Variants in MRRF observed in about 807,000 individuals in gnomAD.
MRRF encodes ribosome-recycling factor, mitochondrial.
MRRF carries 18 observed loss-of-function variants against 25.1 expected under a neutral mutation model. The observed-to-expected ratio is 0.72, with a 90% CI of 0.50 to 1.06. The LOEUF (loss-of-function observed/expected upper bound fraction) is 1.06, where lower values mean the gene tolerates loss of function less well. Among genes scored for constraint, MRRF ranks in the 50% least tolerant of loss-of-function variants. The pLI is 0.00. For missense variants in MRRF, 323 were observed against 319.3 expected (o/e 1.01, Z -0.09); for synonymous variants, 113 against 112.1 (o/e 1.01, Z -0.05).
At chr9:122,310,266 C>A (rs1835120743) in intron 5 of MRRF, among the ~76,000 whole-genome samples, 1 of 152,186 alleles carries the variant, frequency 6.6e-6, no homozygotes, top group Non-Finnish European at 1.5e-5. Flanking sequence ...GGGATAGAGC[C>A]CACCGCTCCT....
intron 2 of MRRF, 67 bp from the exon 3 acceptor site, chr9:122,280,376 T>G: frequency 6.4e-7 from 1 of 1,553,814 alleles, no homozygotes; most frequent in Non-Finnish European, 8.9e-7. Context: ...TAGGTACTTC[T>G]TCACCAATTG....
At chr9:122,299,159 C>T (rs1056729462) in intron 5 of MRRF, among the ~76,000 whole-genome samples, 4 of 151,334 alleles carry the variant, frequency 2.6e-5, no homozygotes, top group Admixed American at 6.6e-5. Context: ...GAGAGGCTGA[C>T]GTGGGTGGAT....
rs968135703 is a variant in MRRF, at chr9:122,325,057, G to T, written c.*2440G>T. ...GCAAATGTGCTTCTCAAAGATGCAGGATTTTTTAATAAACAGAGGAAATGA... is the reference window on the plus strand; with the variant it reads ...GCAAATGTGCTTCTCAAAGATGCAGTATTTTTTAATAAACAGAGGAAATGA... On this transcript the variant is annotated 3_prime_UTR_variant, in exon 7 of 7. Coordinates refer to ENST00000344641, the MANE Select transcript of MRRF (RefSeq NM_138777.5). The T allele has an allele frequency of 6.6e-6, 1 of 152,160 alleles. No individual in the cohort carries two copies. Among genetic ancestry groups the T allele is most frequent in the Non-Finnish European group, 1.5e-5 (1 of 68,024 alleles). 9.4% of individuals were successfully genotyped at this position (152,160 alleles called of 1,614,324 possible). A position where few individuals can be genotyped will look rare whatever the true frequency, so the allele number is the denominator to read the frequency against.
chr9:122,271,227 G>C, intron 2 of MRRF, 152 bp downstream of exon 2: 2 of 752,720 alleles, frequency 2.7e-6, no homozygotes, highest in South Asian at 1.5e-5. Context: ...AGCTTAAAAG[G>C]TTACAGTGGC....
chr9:122,281,484 T>G lies in MRRF; in HGVS notation c.340+886T>G, dbSNP rs115429538. On this transcript the variant is annotated intron_variant, in intron 3 of 6. Transcript: ENST00000344641. ...AAACACTATCAGAAACATTACCGAGTTCAGAGATGAGATCCAGTGTGAAAC... is the reference window on the plus strand; with the variant it reads ...AAACACTATCAGAAACATTACCGAGGTCAGAGATGAGATCCAGTGTGAAAC... 5.2e-3 allele frequency among the ~76,000 whole-genome samples: 791 copies of G among 152,262 alleles called. 5 individuals are homozygous for G. Among genetic ancestry groups the G allele is most frequent in the African/African-American group, 0.019 (769 of 41,530 alleles).
In MRRF at chr9:122,270,944, A is replaced by C; in HGVS notation, c.53A>C (p.Tyr18Ser). 1 of 1,614,186 alleles carries C rather than the reference A, an allele frequency of 6.2e-7. No individual in the cohort carries two copies. The highest frequency in any genetic ancestry group is 8.5e-7 in the Non-Finnish European group (1 of 1,180,030). ...FRMVHPTFRN[Y>S]LAASIRPVSE... The stretch of plus-strand genomic sequence containing the variant: ...ATGGTCCACCCTACCTTTCGCAATT[A>C]TCTTGCAGCCTCTATCAGACCCGTT... The change falls in exon 2 of 7, where the codon TAT becomes TCT. Residue 18 changes from tyrosine (Y) to serine (S), a missense_variant. Transcript: ENST00000344641.
intron 2 of MRRF, among the ~76,000 whole-genome samples, chr9:122,279,661 C>T (rs1017867140): frequency 2.0e-4 from 30 of 152,126 alleles, no homozygotes; most frequent in African/African-American, 5.6e-4. Flanking sequence ...AAAATCACTA[C>T]GATGATTTAG....
intron 5 of MRRF, among the ~76,000 whole-genome samples, chr9:122,312,474 C>T (rs1352296999): frequency 3.3e-5 from 5 of 152,144 alleles, no homozygotes; most frequent in Non-Finnish European, 2.9e-5. Flanking sequence ...AAATCTTTAA[C>T]AGCTGCTCAT....
intron 6 of MRRF, among the ~76,000 whole-genome samples, chr9:122,314,498 C>T (rs747254329): frequency 6.6e-6 from 1 of 152,230 alleles, no homozygotes; most frequent in Non-Finnish European, 1.5e-5. Flanking sequence ...AACAGCATCT[C>T]TCTACCAAAG....
chr9:122,312,295 A>G (rs543610939), intron 5 of MRRF, among the ~76,000 whole-genome samples: 1 of 152,330 alleles, frequency 6.6e-6, no homozygotes, highest in African/African-American at 2.4e-5. Context: ...TGTGGCATAG[A>G]ACGGTTTAAT....
chr9:122,301,512 A>C (rs766677376), intron 5 of MRRF, among the ~76,000 whole-genome samples: 1 of 152,172 alleles, frequency 6.6e-6, no homozygotes, highest in Non-Finnish European at 1.5e-5. Flanking sequence ...GGATCATAGA[A>C]TATTTACTTT....
At chr9:122,287,572 A>G (rs1030373135) in intron 4 of MRRF, among the ~76,000 whole-genome samples, 3 of 152,214 alleles carry the variant, frequency 2.0e-5, no homozygotes, top group Non-Finnish European at 2.9e-5. Flanking sequence ...AGAGCCAGCC[A>G]CTTCTTTTAT....
At chr9:122,317,803 G>T (rs577819667) in intron 6 of MRRF, among the ~76,000 whole-genome samples, 1 of 151,966 alleles carries the variant, frequency 6.6e-6, no homozygotes, top group Non-Finnish European at 1.5e-5. Flanking sequence ...ATTTTTTAAA[G>T]CTTTATTATA....
Position 122,316,673 on chromosome 9 carries a change from G to A in MRRF, c.711+3287G>A, listed in dbSNP as rs1375343546. Among the ~76,000 whole-genome samples, 6 of 151,846 alleles carry A rather than the reference G, an allele frequency of 4.0e-5. 1 individual carries two copies. In the South Asian group the frequency reaches 1.0e-3, roughly 26 times the overall value. On this transcript the variant is annotated intron_variant, in intron 6 of 6. Coordinates refer to ENST00000344641, the MANE Select transcript of MRRF (RefSeq NM_138777.5). The stretch of plus-strand genomic sequence containing the variant: ...TAAAACAAGGTTATGGCTGATTGTC[G>A]CTTCATCAGACAGTTTTAAAATTTT...
At chr9:122,275,057 T>C (rs541139140) in intron 2 of MRRF, among the ~76,000 whole-genome samples, 175 of 152,184 alleles carry the variant, frequency 1.1e-3, no homozygotes, top group South Asian at 2.9e-3. Context: ...GTTACATACA[T>C]GCAAATTAAC....
intron 4 of MRRF, among the ~76,000 whole-genome samples, chr9:122,287,862 T>G (rs1833506645): frequency 6.6e-6 from 1 of 152,192 alleles, no homozygotes; most frequent in Non-Finnish European, 1.5e-5. Context: ...GTTGTATATA[T>G]TAAACAAATA....
intron 2 of MRRF, among the ~76,000 whole-genome samples, chr9:122,273,859 T>C (rs1832615058): frequency 6.6e-6 from 1 of 152,176 alleles, no homozygotes; most frequent in African/African-American, 2.4e-5. Flanking sequence ...CACATAATGG[T>C]TGTTTGTGCA....
At chr9:122,285,130 G>C in intron 3 of MRRF, 39 bp from the exon 4 acceptor site, 4 of 1,345,028 alleles carry the variant, frequency 3.0e-6, no homozygotes, top group South Asian at 2.3e-5. Flanking sequence ...GGCTACTAAG[G>C]TTCTTTGGAA....
At chr9:122,266,385 A>C (rs1041978740) in intron 1 of MRRF, among the ~76,000 whole-genome samples, 1 of 152,222 alleles carries the variant, frequency 6.6e-6, no homozygotes, top group Admixed American at 6.5e-5. Flanking sequence ...GTTAAGCTGA[A>C]ATCTGAAATA....
Sources: gnomAD v4.1 joint callset for allele counts (sites outside exome capture counted in the v4.1 genomes callset) on GRCh38, gnomAD v4.1.1 for gene constraint, MANE v1.5 for transcripts, NCBI Gene and HGNC (gene_info 2026-07-23, HGNC 2026-07-21) for gene names.